Variants in NECTIN4 observed in about 807,000 individuals in gnomAD.
NECTIN4 encodes nectin-4.
In NECTIN4, 19 loss-of-function variants were observed where a neutral mutation model predicts 51.7. That is an observed-to-expected ratio of 0.37 (90% CI 0.26 to 0.54). NECTIN4 has a LOEUF of 0.54. NECTIN4 is among the 20% of genes least tolerant of loss of function. The pLI, the probability that NECTIN4 is intolerant of heterozygous loss-of-function variation, is 0.86. For missense variants in NECTIN4, 619 were observed against 662.4 expected, an observed-to-expected ratio of 0.93 and a Z score of 0.72; for synonymous variants, 283 against 286.9, an observed-to-expected ratio of 0.99 and a Z score of 0.14.
chr1:161,078,786 C>A (rs1021778508), intron 2 of NECTIN4, among the ~76,000 whole-genome samples: 9 of 151,726 alleles, frequency 5.9e-5, no homozygotes, highest in Non-Finnish European at 1.3e-4. Flanking sequence ...CCAAGACGAG[C>A]GGATCACGAG....
intron 7 of NECTIN4, among the ~76,000 whole-genome samples, 166 bp from the exon 8 acceptor site, chr1:161,073,465 A>C (rs1653272464): frequency 6.6e-6 from 1 of 152,124 alleles, no homozygotes; most frequent in South Asian, 2.1e-4. Flanking sequence ...TGCGACCACA[A>C]ACCCACCCTG....
intron 5 of NECTIN4, 45 bp downstream of exon 5, chr1:161,074,566 C>T: frequency 1.2e-6 from 2 of 1,611,620 alleles, no homozygotes; most frequent in Non-Finnish European, 1.7e-6. Context: ...CCCCACCAAG[C>T]CCTTGGCCCA....
At position 161,089,133 on chromosome 1, in the gene NECTIN4, C is replaced by CGTGTG; in HGVS notation, c.79+80_79+84dup. ...AGAAAGGAGGATATGTGTGTGCGTG[C>CGTGTG]GTGTGTGTCTATGTGTTTGTGCATG... On this transcript the variant is annotated intron_variant, in intron 1 of 8. Transcript: ENST00000368012. The surrounding 1 kb of genome is among the most constrained non-coding windows in gnomAD (Gnocchi z 4.1). The CGTGTG allele has an allele frequency of 8.6e-7, 1 of 1,160,876 alleles. No homozygotes were observed. Among genetic ancestry groups the CGTGTG allele is most frequent in the Non-Finnish European group, 1.3e-6 (1 of 771,040 alleles). 71.9% of individuals were successfully genotyped at this position (1,160,876 alleles called of 1,614,324 possible). A position where few individuals can be genotyped will look rare whatever the true frequency, so the allele number is the denominator to read the frequency against.
intron 1 of NECTIN4, chr1:161,086,879 G>A (rs547925048): frequency 2.0e-4 from 31 of 152,752 alleles, no homozygotes; most frequent in Admixed American, 3.9e-4. Flanking sequence ...CGACCAGAAC[G>A]CTTTCCTCCT....
At chr1:161,083,592 C>T (rs1208391984) in intron 1 of NECTIN4, among the ~76,000 whole-genome samples, 4 of 152,186 alleles carry the variant, frequency 2.6e-5, no homozygotes, top group Non-Finnish European at 4.4e-5. Flanking sequence ...TCTGACCCTC[C>T]CACCCCTCCT....
At chr1:161,084,300 T>A (rs1397768413) in intron 1 of NECTIN4, among the ~76,000 whole-genome samples, 2 of 152,226 alleles carry the variant, frequency 1.3e-5, no homozygotes, top group Non-Finnish European at 2.9e-5. Context: ...CACACATGAT[T>A]CCGTGTGCAT....
chr1:161,075,085 A>G (rs894129721), intron 4 of NECTIN4, among the ~76,000 whole-genome samples: 1 of 152,248 alleles, frequency 6.6e-6, no homozygotes, highest in Non-Finnish European at 1.5e-5. Flanking sequence ...CTCCACTCCT[A>G]GCTGGGTGTA....
intron 4 of NECTIN4, among the ~76,000 whole-genome samples, chr1:161,075,814 AC>A (rs1653390241): frequency 6.6e-6 from 1 of 152,118 alleles, no homozygotes; most frequent in Non-Finnish European, 1.5e-5. Flanking sequence ...GTGGTGGCTC[AC>A]GCCTGTAATC....
chr1:161,080,837 C>T (rs1219777140), intron 1 of NECTIN4, among the ~76,000 whole-genome samples: 1 of 152,204 alleles, frequency 6.6e-6, no homozygotes. Flanking sequence ...AGGATCCACT[C>T]CCTGCTCTCA....
In NECTIN4 at chr1:161,077,739, A is replaced by G. The variant is rs764829678; in HGVS notation, c.444T>C (p.Pro148=). 6.2e-7 allele frequency: 1 copy of G among 1,606,736 alleles called. No individual in the cohort carries two copies. Among genetic ancestry groups the G allele is most frequent in the Non-Finnish European group, 8.5e-7 (1 of 1,179,268 alleles). The change falls in exon 3 of 9, where the codon CCT becomes CCC. Residue 148 remains proline (P), a synonymous_variant. Transcript: ENST00000368012. ...QARLRLRVLV[P]PLPSLNPGPA... ...GACCAGGATTCAGTGAGGGCAGGGG[A>G]GGCACTGCAAATGGGGAAAGGCAGG...
Position 161,074,243 on chromosome 1 carries a change from G to A in NECTIN4, c.1131C>T (p.Arg377=). The change falls in exon 6 of 9, where the codon CGC becomes CGT. Residue 377 remains arginine (R), a synonymous_variant. Coordinates refer to ENST00000368012, the MANE Select transcript of NECTIN4 (RefSeq NM_030916.3). ...ATTTCTGGGTCATCTGCTGGGCCTT[G>A]CGCCGATGGTATCGGGACATGAGCA... The part of the protein sequence containing the change: ...VVVLMSRYHR[R]KAQQMTQKYE... 6.2e-7 allele frequency: 1 copy of A among 1,614,104 alleles called. No homozygotes were observed.
At position 161,071,456 on chromosome 1, in the gene NECTIN4, C is replaced by T. The variant is rs1275002485; in HGVS notation, c.*1205G>A. 4 of 152,274 alleles carry T rather than the reference C, an allele frequency of 2.6e-5. No individual in the cohort carries two copies. Among genetic ancestry groups the T allele is most frequent in the Non-Finnish European group, 5.9e-5 (4 of 68,070 alleles). The allele number at this position is 152,274 out of a possible 1,614,324, so 9.4% of individuals were successfully genotyped here. On this transcript the variant is annotated 3_prime_UTR_variant, in exon 9 of 9. Transcript: ENST00000368012. ...CCCTTGTCACCAGGTCCAAGCAATT[C>T]CCTAAGGTATCACAAACAATGGTGG...
In NECTIN4 at chr1:161,079,610, C is replaced by G. The variant is rs1359046777; in HGVS notation, c.419G>C (p.Arg140Pro). ...CTTACCCAGCACTCGGAGCCGCAGC[C>G]GCGCCTGGAAGCTGCCGGCGGGGAA... ...STFPAGSFQA[R>P]LRLRVLVPPL... Residue 140 changes from arginine to proline, a missense_variant, in exon 2 of 9, where the codon CGG becomes CCG. Transcript: ENST00000368012. 2 of 1,604,804 alleles carry G rather than the reference C, an allele frequency of 1.2e-6. No individual in the cohort carries two copies. The highest frequency in any genetic ancestry group is 4.5e-5 in the East Asian group (2 of 44,854).
intron 7 of NECTIN4, 34 bp downstream of exon 7, chr1:161,073,686 C>G (rs551223831): frequency 6.3e-7 from 1 of 1,577,256 alleles, no homozygotes; most frequent in South Asian, 1.1e-5. Context: ...TGCGACCACA[C>G]CCCTGCATGC....
chr1:161,086,695 G>A (rs1054889025), intron 1 of NECTIN4, among the ~76,000 whole-genome samples: 1 of 152,192 alleles, frequency 6.6e-6, no homozygotes, highest in African/African-American at 2.4e-5. Flanking sequence ...ATTAAGGAGA[G>A]ACAAAGAGCT....
intron 1 of NECTIN4, among the ~76,000 whole-genome samples, chr1:161,088,682 C>T (rs990060993): frequency 6.6e-6 from 1 of 152,154 alleles, no homozygotes; most frequent in East Asian, 1.9e-4. Flanking sequence ...ACAGGTGCCC[C>T]AGTCCTGGTG....
At chr1:161,075,549 T>C (rs1653378982) in intron 4 of NECTIN4, among the ~76,000 whole-genome samples, 1 of 152,154 alleles carries the variant, frequency 6.6e-6, no homozygotes, top group Non-Finnish European at 1.5e-5. Flanking sequence ...GGCTGGCGGA[T>C]CACCCGAGGT....
chr1:161,089,116 G>T lies in NECTIN4; in HGVS notation c.79+102C>A. The T allele has an allele frequency of 9.6e-7, 1 of 1,038,978 alleles. No homozygotes were observed. The allele number at this position is 1,038,978 out of a possible 1,614,324, so 64.4% of individuals were successfully genotyped here. A position where few individuals can be genotyped will look rare whatever the true frequency, so the allele number is the denominator to read the frequency against. ...CCTCAGTTCAGAGTCAAAGAAAGGA[G>T]GATATGTGTGTGCGTGCGTGTGTGT... On this transcript the variant is annotated intron_variant, in intron 1 of 8. Coordinates refer to ENST00000368012, the MANE Select transcript of NECTIN4 (RefSeq NM_030916.3). This position sits in a 1 kb window ranked among gnomAD's most constrained non-coding sequence, Gnocchi z 4.1.
Position 161,072,565 on chromosome 1 carries a change from C to T in NECTIN4, c.*96G>A. The T allele has an allele frequency of 9.7e-7, 1 of 1,034,318 alleles. No homozygotes were observed. The highest frequency in any genetic ancestry group is 1.5e-6 in the Non-Finnish European group (1 of 657,332). The allele number at this position is 1,034,318 out of a possible 1,614,324, so 64.1% of individuals were successfully genotyped here. On this transcript the variant is annotated 3_prime_UTR_variant, in exon 9 of 9. Transcript: ENST00000368012. ...TCAGTGGGATGGGGAGCATCTTCCGCAAGAAATGGGGGTGTTTAAGGAGGC... is the reference window on the plus strand; with the variant it reads ...TCAGTGGGATGGGGAGCATCTTCCGTAAGAAATGGGGGTGTTTAAGGAGGC...
Sources: allele counts gnomAD v4.1 joint callset (sites outside exome capture counted in the v4.1 genomes callset), GRCh38; gene constraint gnomAD v4.1.1; non-coding constraint Gnocchi (gnomAD v3.1); transcripts MANE v1.5; gene names NCBI Gene and HGNC (gene_info 2026-07-23, HGNC 2026-07-21).